Variants in NFASC observed in about 807,000 individuals in gnomAD.
NFASC encodes the protein neurofascin.
Under a neutral mutation model 147.5 loss-of-function variants are expected in NFASC, and 43 were observed. The observed-to-expected ratio is 0.29, with a 90% CI of 0.23 to 0.38. The LOEUF is 0.38. Among genes scored for constraint, NFASC ranks in the 10% least tolerant of loss-of-function variants. The probability of loss-of-function intolerance (pLI) is 1.00; values close to 1 mark genes in which losing one functional copy is unlikely to be tolerated. For missense variants in NFASC, 1,320 were observed against 1,689.0 expected, an observed-to-expected ratio of 0.78 and a Z score of 3.83; for synonymous variants, 622 against 665.5, an observed-to-expected ratio of 0.93 and a Z score of 1.01.
chr1:205,009,606 G>T lies in NFASC; in HGVS notation c.3339G>T (p.Gly1113=). The T allele has an allele frequency of 1.9e-6, 3 of 1,614,154 alleles. No homozygotes were observed. Among genetic ancestry groups the T allele is most frequent in the Non-Finnish European group, 2.5e-6 (3 of 1,180,020 alleles). ...TCGCCACCCAGGGCTGGTTCATTGG[G>T]CTTATGTGCGCCATCGCCCTCCTGG... The part of the protein sequence containing the change: ...ADIATQGWFI[G]LMCAIALLVL... Residue 1113 remains glycine, a synonymous_variant, in exon 28 of 30, where the codon GGG becomes GGT. Transcript: ENST00000339876.
chr1:205,006,227 A>G (rs1354388308), intron 27 of NFASC, among the ~76,000 whole-genome samples: 1 of 152,204 alleles, frequency 6.6e-6, no homozygotes, highest in African/African-American at 2.4e-5. Flanking sequence ...GTAAGATTAA[A>G]TTCACCCATT....
chr1:204,980,578 T>G (rs1263401178), intron 20 of NFASC, 138 bp downstream of exon 20: 1 of 662,924 alleles, frequency 1.5e-6, no homozygotes, highest in Non-Finnish European at 2.6e-6. Flanking sequence ...CATTCTTCTT[T>G]GAGAAACCAA....
Position 204,975,517 on chromosome 1 carries a change from C to T in NFASC, c.1706+99C>T. Reference sequence around the variant, plus strand: ...ATGGAAGAACACAGGGACAGGGAACCCGTGTCATGCATGTCACCAAGGAGC... The same window carrying T: ...ATGGAAGAACACAGGGACAGGGAACTCGTGTCATGCATGTCACCAAGGAGC... On this transcript the variant is annotated intron_variant, in intron 15 of 29. Coordinates refer to ENST00000339876, the MANE Select transcript of NFASC (RefSeq NM_001005388.3). This position sits in a 1 kb window ranked among gnomAD's most constrained non-coding sequence, Gnocchi z 4.0. 1 of 1,467,960 alleles carries T rather than the reference C, an allele frequency of 6.8e-7. No individual in the cohort carries two copies. Among genetic ancestry groups the T allele is most frequent in the East Asian group, 2.3e-5 (1 of 43,326 alleles). 90.9% of individuals were successfully genotyped at this position (1,467,960 alleles called of 1,614,324 possible). A position where few individuals can be genotyped will look rare whatever the true frequency, so the allele number is the denominator to read the frequency against.
intron 1 of NFASC, among the ~76,000 whole-genome samples, chr1:204,869,498 A>AT (rs2077409344): frequency 6.6e-6 from 1 of 152,202 alleles, no homozygotes; most frequent in Non-Finnish European, 1.5e-5. Flanking sequence ...TTACTATATT[A>AT]TTTTATCATT....
rs1371656628 is a variant in NFASC at position 205,001,036 on chromosome 1, A to G, written c.3020-134A>G. The G allele has an allele frequency of 5.9e-6, 4 of 679,088 alleles. No homozygotes were observed. In the East Asian group the frequency reaches 1.1e-4, roughly 19 times the overall value. The allele number at this position is 679,088 out of a possible 1,614,324, so 42.1% of individuals were successfully genotyped here. A position where few individuals can be genotyped will look rare whatever the true frequency, so the allele number is the denominator to read the frequency against. The stretch of plus-strand genomic sequence containing the variant: ...TTCTGACTCTCCCCTTTCCTAGATG[A>G]CTGTGTGTACATGTGTGCGTGCGCG... On this transcript the variant is annotated intron_variant, in intron 25 of 29. Coordinates refer to ENST00000339876, the MANE Select transcript of NFASC (RefSeq NM_001005388.3).
intron 11 of NFASC, among the ~76,000 whole-genome samples, chr1:204,972,416 G>T (rs985019138): frequency 2.0e-5 from 3 of 152,134 alleles, no homozygotes; most frequent in African/African-American, 7.2e-5. Context: ...TAGAGTAGGG[G>T]AAAGGTGGAA....
chr1:204,918,551 A>AT (rs2089787309), intron 1 of NFASC, among the ~76,000 whole-genome samples: 2 of 140,612 alleles, frequency 1.4e-5, no homozygotes, highest in African/African-American at 5.3e-5. Context: ...CATTTGTTTC[A>AT]TTTTATCTTC....
rs999152983 is a variant in NFASC, at chr1:205,021,003, A to T, written c.*4464A>T. The T allele has an allele frequency of 2.6e-5, 4 of 152,216 alleles. No homozygotes were observed. The highest frequency in any genetic ancestry group is 4.4e-5 in the Non-Finnish European group (3 of 68,064). The allele number at this position is 152,216 out of a possible 1,614,324, so 9.4% of individuals were successfully genotyped here. On this transcript the variant is annotated 3_prime_UTR_variant, in exon 30 of 30. Coordinates refer to ENST00000339876, the MANE Select transcript of NFASC (RefSeq NM_001005388.3). ...GCGTGGTGGCCAAGGAGTAGCATGG[A>T]GGAGGGCCCTGATTTTAAAAAGGAA...
At position 204,975,959 on chromosome 1, in the gene NFASC, G is replaced by C. The variant is rs141254524; in HGVS notation, c.1706+541G>C. On this transcript the variant is annotated intron_variant, in intron 15 of 29. Coordinates refer to ENST00000339876, the MANE Select transcript of NFASC (RefSeq NM_001005388.3). This position sits in a 1 kb window ranked among gnomAD's most constrained non-coding sequence, Gnocchi z 4.0. ...CTTAGGACACTGGCAGGGTTTAAAAGTCCCCCTGGGGGTTCCAGTGTGCAT... is the reference window on the plus strand; with the variant it reads ...CTTAGGACACTGGCAGGGTTTAAAACTCCCCCTGGGGGTTCCAGTGTGCAT... 2.0e-5 allele frequency among the ~76,000 whole-genome samples: 3 copies of C among 152,222 alleles called. No homozygotes were observed. The highest frequency in any genetic ancestry group is 4.4e-5 in the Non-Finnish European group (3 of 68,004).
chr1:204,957,839 C>A lies in NFASC; in HGVS notation c.706+13C>A, dbSNP rs748875562. 3 of 1,613,790 alleles carry A rather than the reference C, an allele frequency of 1.9e-6. No homozygotes were observed. The highest frequency in any genetic ancestry group is 2.5e-6 in the Non-Finnish European group (3 of 1,179,766). On this transcript the variant is annotated intron_variant, in intron 8 of 29. Transcript: ENST00000339876. ...AAGGTCCTCACCAGTAAGTGAAGGC[C>A]CCTGTCCCGGGGCTGGGGGCCAAAG...
At chr1:204,980,194 C>T (rs1466424528) in intron 19 of NFASC, among the ~76,000 whole-genome samples, 176 bp from the exon 20 acceptor site, 1 of 152,206 alleles carries the variant, frequency 6.6e-6, no homozygotes, top group Non-Finnish European at 1.5e-5. Context: ...AATCTCAGCT[C>T]AAAAGGCACA....
At chr1:204,914,491 C>A (rs2088639759) in intron 1 of NFASC, among the ~76,000 whole-genome samples, 2 of 152,200 alleles carry the variant, frequency 1.3e-5, no homozygotes, top group African/African-American at 4.8e-5. Context: ...TCAAGGCCTC[C>A]CCAGCCATGC....
At chr1:204,910,532 G>A (rs1448020760) in intron 1 of NFASC, among the ~76,000 whole-genome samples, 1 of 151,996 alleles carries the variant, frequency 6.6e-6, no homozygotes, top group Non-Finnish European at 1.5e-5. Context: ...GCTCACTGCA[G>A]CCTTGAACTC....
chr1:204,857,294 G>A (rs1452512718), intron 1 of NFASC, among the ~76,000 whole-genome samples: 1 of 152,168 alleles, frequency 6.6e-6, no homozygotes, highest in East Asian at 1.9e-4. Flanking sequence ...ACCCAGCTTG[G>A]GCCAGGAGCC....
At chr1:204,874,345 C>T (rs2078321333) in intron 1 of NFASC, among the ~76,000 whole-genome samples, 1 of 152,214 alleles carries the variant, frequency 6.6e-6, no homozygotes, top group South Asian at 2.1e-4. Context: ...TTCTTCTGCC[C>T]CCTGGGCTGC....
At chr1:204,899,863 G>A (rs559131837) in intron 1 of NFASC, among the ~76,000 whole-genome samples, 1 of 152,258 alleles carries the variant, frequency 6.6e-6, no homozygotes, top group East Asian at 1.9e-4. Flanking sequence ...ATTACTCCTA[G>A]CCACATGACC....
chr1:204,922,474 G>A lies in NFASC; in HGVS notation c.-91+1734G>A, dbSNP rs562393297. Among the ~76,000 whole-genome samples the A allele has an allele frequency of 4.6e-5, 7 of 152,230 alleles. No homozygotes were observed. The South Asian group carries it at 1.5e-3, about 32-fold the overall frequency. Reference sequence around the variant, plus strand: ...TTCTGAGCTTAATCCTTTTAATAGTGTTTCCATTTACATTAATTGTGTCAT... The same window carrying A: ...TTCTGAGCTTAATCCTTTTAATAGTATTTCCATTTACATTAATTGTGTCAT... On this transcript the variant is annotated intron_variant, in intron 2 of 29. Transcript: ENST00000339876.
chr1:204,843,618 T>TCCTC (rs1558485946), intron 1 of NFASC, among the ~76,000 whole-genome samples: 2 of 82,798 alleles, frequency 2.4e-5, no homozygotes, highest in Non-Finnish European at 4.3e-5. Flanking sequence ...CTTCCTTCCT[T>TCCTC]CCTTCCTTCC....
Position 204,970,778 on chromosome 1 carries a change from C to T in NFASC, c.1135+31C>T, listed in dbSNP as rs200848861. The stretch of plus-strand genomic sequence containing the variant: ...TAGCGAGCTGTTGTCCCATCTGACT[C>T]TCATCTCTCTGCTGTCAAAGGCTTC... On this transcript the variant is annotated intron_variant, in intron 11 of 29. Transcript: ENST00000339876. 3 of 1,613,884 alleles carry T rather than the reference C, an allele frequency of 1.9e-6. No homozygotes were observed. The East Asian group carries it at 6.7e-5, about 36-fold the overall frequency.
Sources: gnomAD v4.1 joint callset for allele counts (sites outside exome capture counted in the v4.1 genomes callset) on GRCh38, gnomAD v4.1.1 for gene constraint, Gnocchi (gnomAD v3.1) non-coding constraint, MANE v1.5 for transcripts, NCBI Gene and HGNC (gene_info 2026-07-23, HGNC 2026-07-21) for gene names.